PLB1: variants seen among roughly 807,000 people sequenced by gnomAD.
The protein encoded by PLB1 is phospholipase B1, membrane-associated.
A neutral mutation model predicts 227.4 loss-of-function variants in PLB1; 242 were observed. The ratio of observed to expected loss-of-function variants is 1.06; its 90% CI spans 0.96 to 1.18. The LOEUF (loss-of-function observed/expected upper bound fraction) is 1.18. Ranked by LOEUF, PLB1 falls within the 50% of genes most tolerant of loss-of-function variation. PLB1 has a pLI of 0.00. For synonymous variants in PLB1, 757 were observed against 682.2 expected (o/e 1.11, Z -1.71); for missense variants, 1,858 against 1,816.3 (o/e 1.02, Z -0.42).
intron 2 of PLB1, among the ~76,000 whole-genome samples, chr2:28,517,787 C>T (rs953888657): frequency 5.9e-5 from 9 of 151,994 alleles, no homozygotes; most frequent in African/African-American, 1.7e-4. Flanking sequence ...TCATTTTAAC[C>T]ATGTTTGAGT....
At position 28,629,124 on chromosome 2, in the gene PLB1, G is replaced by A; in HGVS notation, c.3757G>A (p.Val1253Ile). 2 of 1,613,970 alleles carry A rather than the reference G, an allele frequency of 1.2e-6. No homozygotes were observed. The highest frequency in any genetic ancestry group is 1.7e-6 in the Non-Finnish European group (2 of 1,179,938). ...LPRAFVNVVE[V>I]MELASLYQGQ... Reference sequence around the variant, plus strand: ...AAGGGCTTTCGTCAACGTGGTGGAGGTCATGGAGCTGGCTAGCCTGTACCA... The same window carrying A: ...AAGGGCTTTCGTCAACGTGGTGGAGATCATGGAGCTGGCTAGCCTGTACCA... Residue 1253 changes from valine (V) to isoleucine (I), a missense_variant, in exon 53 of 58, where the codon GTC becomes ATC. Val to Ile is a conservative substitution (Grantham distance 29). Transcript: ENST00000327757.
At chr2:28,519,674 G>T in intron 3 of PLB1, 31 bp from the exon 4 acceptor site, 1 of 1,542,230 alleles carries the variant, frequency 6.5e-7, no homozygotes, top group South Asian at 1.1e-5. Flanking sequence ...ATGTAGATCT[G>T]ACCTTCCTAT....
Position 28,643,093 on chromosome 2 carries a change from T to C in PLB1, c.*32T>C, listed in dbSNP as rs1258821238. ...GGGTGGGTCCTCACCCTAAACTCCC[T>C]ATAGCCACTCTCTTCACCGCCCTCT... On this transcript the variant is annotated 3_prime_UTR_variant, in exon 58 of 58. Transcript: ENST00000327757. 1 of 1,534,290 alleles carries C rather than the reference T, an allele frequency of 6.5e-7. No homozygotes were observed. The highest frequency in any genetic ancestry group is 2.4e-5 in the East Asian group (1 of 42,112).
chr2:28,517,699 A>C (rs1328173219), intron 2 of PLB1, among the ~76,000 whole-genome samples: 1 of 152,166 alleles, frequency 6.6e-6, no homozygotes, highest in Non-Finnish European at 1.5e-5. Flanking sequence ...GTTTTAGTCA[A>C]GGTATCTTGA....
At position 28,541,740 on chromosome 2, in the gene PLB1, T is replaced by C. The variant is rs1672515087; in HGVS notation, c.808T>C (p.Tyr270His). 2 of 1,614,070 alleles carry C rather than the reference T, an allele frequency of 1.2e-6. No individual in the cohort carries two copies. The highest frequency in any genetic ancestry group is 4.5e-5 in the East Asian group (2 of 44,876). Residue 270 changes from tyrosine to histidine, a missense_variant, in exon 13 of 58, where the codon TAC (tyrosine) becomes CAC (histidine). By Grantham distance (83) the Tyr-to-His change is moderately conservative. Transcript: ENST00000327757. ...AWNSLLASSR[Y>H]SEQESFTVVF... ...GAACAGCCTCCTGGCCTCCAGCAGGTACAGTGAGCAGGAGTCCTTCACCGT... is the reference window on the plus strand; with the variant it reads ...GAACAGCCTCCTGGCCTCCAGCAGGCACAGTGAGCAGGAGTCCTTCACCGT...
At chr2:28,578,259 C>A (rs1679332899) in intron 22 of PLB1, 101 bp downstream of exon 22, 4 of 1,111,364 alleles carry the variant, frequency 3.6e-6, no homozygotes, top group East Asian at 2.4e-5. Flanking sequence ...GGGTTTCTAG[C>A]AGACACATCT....
chr2:28,503,671 C>A (rs1201460952), intron 1 of PLB1, among the ~76,000 whole-genome samples: 1 of 152,190 alleles, frequency 6.6e-6, no homozygotes, highest in Non-Finnish European at 1.5e-5. Context: ...GTACTGGGAC[C>A]TGGGTGTCTT....
intron 17 of PLB1, among the ~76,000 whole-genome samples, chr2:28,561,163 G>A (rs986874906): frequency 3.3e-5 from 5 of 152,116 alleles, no homozygotes; most frequent in African/African-American, 1.2e-4. Flanking sequence ...TAATAACTAT[G>A]GCTATTTCTC....
Position 28,549,574 on chromosome 2 carries a change from C to T in PLB1, c.1009-436C>T, listed in dbSNP as rs576625446. The stretch of plus-strand genomic sequence containing the variant: ...GGGACTACAGGCACGTGCCACCACA[C>T]CCAGCTAATTTTTTTGTATTTTTAG... On this transcript the variant is annotated intron_variant, in intron 15 of 57. Coordinates refer to ENST00000327757, the MANE Select transcript of PLB1 (RefSeq NM_153021.5). Among the ~76,000 whole-genome samples the T allele has an allele frequency of 2.9e-3, 440 of 152,032 alleles. 2 individuals are homozygous for T. The highest frequency in any genetic ancestry group is 5.5e-3 in the Non-Finnish European group (374 of 67,970).
At chr2:28,631,893 G>T in intron 54 of PLB1, 143 bp from the exon 55 acceptor site, 1 of 645,248 alleles carries the variant, frequency 1.5e-6, no homozygotes, top group Non-Finnish European at 2.8e-6. Context: ...AAGTATGTTT[G>T]CATCCCACTA....
Position 28,630,649 on chromosome 2 carries a change from G to A in PLB1, c.3882G>A (p.Val1294=), listed in dbSNP as rs150980352. The A allele has an allele frequency of 1.2e-6, 2 of 1,612,516 alleles. No homozygotes were observed. Among genetic ancestry groups the A allele is most frequent in the African/African-American group, 1.3e-5 (1 of 74,890 alleles). ...TGGAGAAGCAAGAACTGAAGAAAGT[G>A]AACTGGAACCTCCAGGTAAGCCCTG... is the stretch of plus-strand genomic sequence containing the variant. ...SSLEKQELKK[V]NWNLQHGISS... The change falls in exon 54 of 58, where the codon GTG becomes GTA. Residue 1294 remains valine, a synonymous_variant. Coordinates refer to ENST00000327757, the MANE Select transcript of PLB1 (RefSeq NM_153021.5).
In PLB1 at chr2:28,565,291, G is replaced by A. The variant is rs769529598; in HGVS notation, c.1218G>A (p.Gly406=). ...TTGTTCCCTCTCAGGCAGGCAATGG[G>A]GCCGGGTCCACACCTGGGAACGTCT... ...ALGDSLTAGN[G]AGSTPGNVLD... Residue 406 remains glycine, a synonymous_variant, in exon 19 of 58, where the codon GGG becomes GGA. Transcript: ENST00000327757. The A allele has an allele frequency of 1.9e-6, 3 of 1,611,834 alleles. No homozygotes were observed. Among genetic ancestry groups the A allele is most frequent in the Non-Finnish European group, 1.7e-6 (2 of 1,179,158 alleles).
chr2:28,598,715 A>G lies in PLB1; in HGVS notation c.2429A>G (p.Asp810Gly), dbSNP rs1683379371. The stretch of plus-strand genomic sequence containing the variant: ...GCCGTGGGCACGGGTGATGCCAATG[A>G]CACGAATGCATTCCTCAATCAAGCT... ...GYAVGTGDAN[D>G]TNAFLNQAVP... is the part of the protein sequence containing the mutation. Residue 810 changes from aspartate (D) to glycine (G), a missense_variant, in exon 35 of 58, where the codon GAC becomes GGC. Transcript: ENST00000327757. The G allele has an allele frequency of 5.0e-6, 8 of 1,614,104 alleles. No homozygotes were observed. The highest frequency in any genetic ancestry group is 1.3e-5 in the African/African-American group (1 of 74,942).
At chr2:28,642,752 T>C in intron 57 of PLB1, 106 bp from the exon 58 acceptor site, 1 of 990,118 alleles carries the variant, frequency 1.0e-6, no homozygotes, top group Non-Finnish European at 1.5e-6. Flanking sequence ...TGTGAAAACG[T>C]GCAGGGTTAT....
intron 21 of PLB1, among the ~76,000 whole-genome samples, chr2:28,576,736 AAG>A (rs1193731807): frequency 6.6e-6 from 1 of 152,228 alleles, no homozygotes; most frequent in Non-Finnish European, 1.5e-5. Flanking sequence ...TCTCAAAAAA[AAG>A]AGTTTCAGAG....
Position 28,620,581 on chromosome 2 carries a change from T to TA in PLB1, c.3384-18dup. The TA allele has an allele frequency of 1.2e-6, 2 of 1,609,214 alleles. No individual in the cohort carries two copies. The highest frequency in any genetic ancestry group is 1.7e-6 in the Non-Finnish European group (2 of 1,177,824). On this transcript the variant is annotated intron_variant, in intron 47 of 57. Transcript: ENST00000327757. ...AGCATGTTGGTGTGAGTTTAACAAA[T>TA]ATGCTTTCTCCTCCCCAGCATTGGA... is the stretch of plus-strand genomic sequence containing the variant.
rs756551629 is a variant in PLB1 at position 28,625,097 on chromosome 2, A to G, written c.3568A>G (p.Lys1190Glu). The G allele has an allele frequency of 5.0e-6, 8 of 1,613,102 alleles. No homozygotes were observed. In the East Asian group the frequency reaches 1.1e-4, roughly 22 times the overall value. Residue 1190 changes from lysine (K) to glutamate (E), a missense_variant, in exon 50 of 58, where the codon AAA (lysine) becomes GAA (glutamate). Physicochemically the swap from Lys to Glu is moderately conservative, Grantham distance 56. Coordinates refer to ENST00000327757, the MANE Select transcript of PLB1 (RefSeq NM_153021.5). ...GGCCTGGGACCTGGTAGAGCGAATG[A>G]AAAACAGCCCCGTGAGTACAGGCCC... ...AQAWDLVERM[K>E]NSPDINLEKD...
At chr2:28,624,703 C>T (rs1687495336) in intron 49 of PLB1, among the ~76,000 whole-genome samples, 1 of 152,168 alleles carries the variant, frequency 6.6e-6, no homozygotes, top group South Asian at 2.1e-4. Flanking sequence ...TGACTTTTCT[C>T]AAATATACAA....
chr2:28,631,991 G>A (rs1558965485), intron 54 of PLB1, 45 bp from the exon 55 acceptor site: 1 of 1,523,414 alleles, frequency 6.6e-7, no homozygotes, highest in Non-Finnish European at 9.1e-7. Flanking sequence ...CCCTGTCTGT[G>A]CAGCCTTGCC....
Sources: allele counts gnomAD v4.1 joint callset (sites outside exome capture counted in the v4.1 genomes callset), GRCh38; gene constraint gnomAD v4.1.1; transcripts MANE v1.5; gene names NCBI Gene and HGNC (gene_info 2026-07-23, HGNC 2026-07-21).